Variants in CEP83 observed in about 807,000 individuals in gnomAD.
CEP83 encodes the protein centrosomal protein of 83 kDa.
Under a neutral mutation model 101.9 loss-of-function variants are expected in CEP83, and 70 were observed. The observed-to-expected ratio is 0.69, with a 90% CI of 0.57 to 0.84. CEP83 has a LOEUF of 0.84. CEP83 is among the 40% of genes least tolerant of loss of function. The pLI, the probability that CEP83 is intolerant of heterozygous loss-of-function variation, is 0.00. For missense variants in CEP83, 715 were observed against 787.2 expected (o/e 0.91, Z 1.10); for synonymous variants, 264 against 267.9 (o/e 0.99, Z 0.14).
At chr12:94,277,766 C>A in the CEP83 span, 1 of 359,726 alleles carries the variant, frequency 2.8e-6, no homozygotes, top group Non-Finnish European at 5.5e-6. Flanking sequence ...AGTAATTGTA[C>A]AGGTTTTATT....
chr12:94,299,680 T>C, the CEP83 span, among the ~76,000 whole-genome samples: 10 of 152,074 alleles, frequency 6.6e-5, no homozygotes, highest in Non-Finnish European at 1.3e-4. Context: ...CCACCTCAGC[T>C]TCCCAAGTAG....
In CEP83 at chr12:94,451,264, C is replaced by T. The variant is rs553192442; in HGVS notation, c.-155+8293G>A. 2.6e-5 allele frequency among the ~76,000 whole-genome samples: 4 copies of T among 152,060 alleles called. No individual in the cohort carries two copies. The East Asian group carries it at 5.8e-4, about 22-fold the overall frequency. On this transcript the variant is annotated intron_variant, in intron 1 of 16. Transcript: ENST00000397809. Reference sequence around the variant, plus strand: ...GGGACCTTGGATTAGGCAAAAAGTTCGTATACATAACATGAAAGTACGTGC... The same window carrying T: ...GGGACCTTGGATTAGGCAAAAAGTTTGTATACATAACATGAAAGTACGTGC...
At chr12:94,445,502 ACTTCAAAATCCACTACT>A (rs1267900278) in intron 1 of CEP83, among the ~76,000 whole-genome samples, 2 of 152,240 alleles carry the variant, frequency 1.3e-5, no homozygotes, top group African/African-American at 2.4e-5. Context: ...AAAATGAAGA[ACTTCAAAATCCACTACT>A]CTTCAAAATC....
chr12:94,436,554 C>A (rs1476600144), intron 1 of CEP83, among the ~76,000 whole-genome samples: 1 of 152,038 alleles, frequency 6.6e-6, no homozygotes, highest in Non-Finnish European at 1.5e-5. Context: ...ATAATTTTGG[C>A]TGGGAGCAGT....
chr12:94,317,936 AGTTT>A (rs1314917441), intron 14 of CEP83, among the ~76,000 whole-genome samples: 3 of 152,066 alleles, frequency 2.0e-5, no homozygotes, highest in African/African-American at 7.2e-5. Flanking sequence ...GAATTTTAAA[AGTTT>A]TTTTCTAGTT....
intron 1 of CEP83, among the ~76,000 whole-genome samples, chr12:94,445,821 G>T (rs534031066): frequency 1.3e-5 from 2 of 152,256 alleles, no homozygotes; most frequent in South Asian, 4.1e-4. Flanking sequence ...AATGAGTATG[G>T]GTGTGTATTT....
In CEP83 at chr12:94,376,009, T is replaced by C; in HGVS notation, c.810A>G (p.Lys270=). The C allele has an allele frequency of 6.4e-7, 1 of 1,553,452 alleles. No homozygotes were observed. Among genetic ancestry groups the C allele is most frequent in the Non-Finnish European group, 8.7e-7 (1 of 1,148,268 alleles). The change falls in exon 8 of 17, where the codon AAA becomes AAG. Residue 270 remains lysine, a synonymous_variant. Transcript: ENST00000397809. ...QATVRSLEAE[K]QSANLRAERL... is the part of the protein sequence containing the mutation. ...GTTCTGCCCGTAAATTAGCTGATTG[T>C]TTTTCAGCCTTTCATACAAACAAAA... is the stretch of plus-strand genomic sequence containing the variant.
chr12:94,320,272 C>T (rs1049608968), intron 14 of CEP83, among the ~76,000 whole-genome samples: 3 of 152,140 alleles, frequency 2.0e-5, no homozygotes, highest in Admixed American at 1.3e-4. Context: ...GACAGCATAT[C>T]ACTGGGTCTT....
At chr12:94,288,254 T>C in the CEP83 span, among the ~76,000 whole-genome samples, 1 of 152,350 alleles carries the variant, frequency 6.6e-6, no homozygotes, top group Admixed American at 6.5e-5. Flanking sequence ...ACTTCTACTT[T>C]AACCCTCTTT....
chr12:94,316,588 C>G (rs946988500), intron 14 of CEP83, among the ~76,000 whole-genome samples: 17 of 151,006 alleles, frequency 1.1e-4, no homozygotes, highest in African/African-American at 3.9e-4. Flanking sequence ...GCTCCAGTCT[C>G]AAGTAGGCCC....
chr12:94,370,705 CA>C (rs1172376386), intron 8 of CEP83, among the ~76,000 whole-genome samples: 1 of 152,164 alleles, frequency 6.6e-6, no homozygotes, highest in Non-Finnish European at 1.5e-5. Context: ...AAAGTGTCCA[CA>C]GCTGGATACA....
At chr12:94,285,843 G>A in the CEP83 span, among the ~76,000 whole-genome samples, 1 of 152,120 alleles carries the variant, frequency 6.6e-6, no homozygotes, top group Non-Finnish European at 1.5e-5. Flanking sequence ...CCCTCCTCTG[G>A]TGCTGTTGAC....
intron 11 of CEP83, among the ~76,000 whole-genome samples, chr12:94,340,201 G>T (rs186097629): frequency 4.0e-4 from 61 of 152,218 alleles, no homozygotes; most frequent in African/African-American, 1.4e-3. Context: ...ATAAATTAAG[G>T]GGGTATTGAC....
At chr12:94,372,219 G>T (rs1361986380) in intron 8 of CEP83, among the ~76,000 whole-genome samples, 1 of 151,910 alleles carries the variant, frequency 6.6e-6, no homozygotes, top group Admixed American at 6.6e-5. Context: ...TGATCCATCC[G>T]CCTCGGCCTT....
Position 94,390,433 on chromosome 12 carries a change from CA to C in CEP83, c.549+10416del, listed in dbSNP as rs1346020621. ...AAACAGAAAGAAATAGCAGCAGGATCAACAAAAAGGTCACCTACACCAAAAC... is the reference window on the plus strand; with the variant it reads ...AAACAGAAAGAAATAGCAGCAGGATCACAAAAAGGTCACCTACACCAAAAC... On this transcript the variant is annotated intron_variant, in intron 6 of 16. Transcript: ENST00000397809. 3.3e-5 allele frequency among the ~76,000 whole-genome samples: 5 copies of C among 152,212 alleles called. No homozygotes were observed. In the East Asian group the frequency reaches 9.7e-4, roughly 29 times the overall value.
intron 11 of CEP83, among the ~76,000 whole-genome samples, chr12:94,347,307 C>T (rs189000945): frequency 3.5e-4 from 53 of 152,084 alleles, no homozygotes; most frequent in African/African-American, 1.1e-3. Context: ...CAAAAAGATG[C>T]TAACCACCAC....
At chr12:94,306,663 T>G (rs1969051771), downstream of CEP83, 2 of 152,170 alleles carry the variant, frequency 1.3e-5, no homozygotes, top group African/African-American at 2.4e-5. Context: ...ATAACATTGA[T>G]CACATATTCC....
intron 11 of CEP83, among the ~76,000 whole-genome samples, chr12:94,354,145 T>C (rs575203267): frequency 6.6e-6 from 1 of 152,124 alleles, no homozygotes; most frequent in Admixed American, 6.5e-5. Context: ...CAGACACTTG[T>C]AAAACATTTC....
chr12:94,295,404 G>A, the CEP83 span, among the ~76,000 whole-genome samples: 6,887 of 152,316 alleles, frequency 0.045, 213 homozygotes, highest in Non-Finnish European at 0.072. Flanking sequence ...AAGGGGGATG[G>A]TGTCTTTGTG....
Sources: gnomAD v4.1 joint callset for allele counts (sites outside exome capture counted in the v4.1 genomes callset) on GRCh38, gnomAD v4.1.1 for gene constraint, MANE v1.5 for transcripts, NCBI Gene and HGNC (gene_info 2026-07-23, HGNC 2026-07-21) for gene names.